The following SBK1 variants were observed in gnomAD, a reference collection of about 807,000 sequenced individuals.
SBK1 encodes serine/threonine-protein kinase SBK1.
In SBK1, 11 loss-of-function variants were observed where a neutral mutation model predicts 24.4. That is an observed-to-expected ratio of 0.45 (90% CI 0.28 to 0.75). The LOEUF is 0.75. Ranked by LOEUF, SBK1 falls within the 30% of genes least tolerant of loss-of-function variation. The probability of loss-of-function intolerance (pLI) is 0.12; values close to 1 mark genes in which losing one functional copy is unlikely to be tolerated. For missense variants in SBK1, 467 were observed against 620.5 expected (o/e 0.75, Z 2.63); for synonymous variants, 308 against 284.4 (o/e 1.08, Z -0.83).
chr16:28,322,165 T>C lies in SBK1; in HGVS notation c.*1244T>C, dbSNP rs2044854983. The C allele has an allele frequency of 6.6e-6, 1 of 152,546 alleles. No individual in the cohort carries two copies. 9.4% of individuals were successfully genotyped at this position (152,546 alleles called of 1,614,324 possible). A position where few individuals can be genotyped will look rare whatever the true frequency, so the allele number is the denominator to read the frequency against. ...CATGGGTGCCATCCTTTGCGTTCAG[T>C]GACTGTGCGTCCAGACCCCTCACCA... On this transcript the variant is annotated 3_prime_UTR_variant, in exon 4 of 4. Transcript: ENST00000341901.
Position 28,317,578 on chromosome 16 carries a change from ACC to A in SBK1, c.188_189del (p.Thr63IlefsTer5). 6.2e-7 allele frequency: 1 copy of A among 1,614,106 alleles called. No homozygotes were observed. ...YELVRELGKG[T>X]YGKVDLVVYK... Reference sequence around the variant, plus strand: ...ACTAGTCCGGGAGCTGGGCAAAGGCACCTATGGGAAGGTTGACCTGGTGGTCT... The same window carrying A: ...ACTAGTCCGGGAGCTGGGCAAAGGCATATGGGAAGGTTGACCTGGTGGTCT... On this transcript the variant is annotated frameshift_variant, in exon 2 of 4. Coordinates refer to ENST00000341901, the MANE Select transcript of SBK1 (RefSeq NM_001024401.3). LOFTEE classifies it high-confidence loss of function. The surrounding 1 kb of genome is among the most constrained non-coding windows in gnomAD (Gnocchi z 4.2).
intron 1 of SBK1, among the ~76,000 whole-genome samples, chr16:28,274,301 G>A (rs2044483833): frequency 6.6e-6 from 1 of 152,172 alleles, no homozygotes. Flanking sequence ...GGAGAAATTT[G>A]TTGGGAGGAG....
At chr16:28,297,337 A>G (rs1184200151) in intron 1 of SBK1, among the ~76,000 whole-genome samples, 1 of 152,206 alleles carries the variant, frequency 6.6e-6, no homozygotes, top group African/African-American at 2.4e-5. Context: ...TCTCAAAAAA[A>G]AAGAAACAAA....
intron 1 of SBK1, among the ~76,000 whole-genome samples, chr16:28,268,456 A>G (rs896501954): frequency 4.7e-5 from 7 of 147,660 alleles, no homozygotes; most frequent in African/African-American, 1.8e-4. Context: ...GGGTCTCACT[A>G]TGTTGCCCAG....
intron 1 of SBK1, among the ~76,000 whole-genome samples, chr16:28,275,966 G>A (rs1050387373): frequency 1.3e-5 from 2 of 152,160 alleles, no homozygotes; most frequent in African/African-American, 4.8e-5. Flanking sequence ...TGAGGAGGAC[G>A]GAGTGGGGAA....
chr16:28,280,149 A>ATATGTGTGTGTGTGTGTGTGTGTGTG (rs1230385223), intron 1 of SBK1, among the ~76,000 whole-genome samples: 41 of 39,368 alleles, frequency 1.0e-3, no homozygotes, highest in Non-Finnish European at 1.7e-3. Context: ...ATATATATAT[A>ATATGTGTGTGTGTGTGTGTGTGTGTG]TGTGTGTGTG....
At chr16:28,314,718 G>A (rs929346291) in intron 1 of SBK1, among the ~76,000 whole-genome samples, 5 of 152,106 alleles carry the variant, frequency 3.3e-5, no homozygotes, top group African/African-American at 4.8e-5. Context: ...GGTGGCTCAC[G>A]CCTGTAATCC....
At chr16:28,270,591 A>C (rs1022517330) in intron 1 of SBK1, among the ~76,000 whole-genome samples, 11 of 151,450 alleles carry the variant, frequency 7.3e-5, no homozygotes, top group Non-Finnish European at 1.5e-4. Context: ...CACCCGGCCA[A>C]TTTTTTAATT....
rs944345810 is a variant in SBK1 at position 28,259,839 on chromosome 16, C to A, written c.257+337C>A. On this transcript the variant is annotated intron_variant, in intron 1 of 3. Transcript: ENST00000671413. The surrounding 1 kb of genome is among the most constrained non-coding windows in gnomAD (Gnocchi z 6.0). ...AAGGCCTGCGTGATTGGGGCCGACA[C>A]TCCCCACCTCATCTCACTCTGTTCC... 1.3e-5 allele frequency among the ~76,000 whole-genome samples: 2 copies of A among 152,078 alleles called. No individual in the cohort carries two copies. The highest frequency in any genetic ancestry group is 4.8e-5 in the African/African-American group (2 of 41,402).
At chr16:28,316,422 T>G (rs1027175192) in intron 1 of SBK1, among the ~76,000 whole-genome samples, 1 of 152,196 alleles carries the variant, frequency 6.6e-6, no homozygotes, top group South Asian at 2.1e-4. Flanking sequence ...TTCCATGCTG[T>G]GTCCTCCAGG....
chr16:28,294,251 C>T (rs1052458774), intron 1 of SBK1, among the ~76,000 whole-genome samples: 1 of 152,140 alleles, frequency 6.6e-6, no homozygotes. Flanking sequence ...GGACATTGTA[C>T]CCTGAAATCC....
chr16:28,316,600 A>C (rs754972056), intron 1 of SBK1, among the ~76,000 whole-genome samples: 5 of 151,672 alleles, frequency 3.3e-5, no homozygotes, highest in African/African-American at 4.8e-5. Flanking sequence ...TGCCAACTCT[A>C]CAAAAAAAAA....
At chr16:28,314,636 A>C (rs955764409) in intron 1 of SBK1, among the ~76,000 whole-genome samples, 9 of 152,144 alleles carry the variant, frequency 5.9e-5, no homozygotes, top group African/African-American at 2.2e-4. Flanking sequence ...TTCAGGGTGC[A>C]GGGGTGCTTA....
chr16:28,320,064 G>T lies in SBK1; in HGVS notation c.430-12G>T. The T allele has an allele frequency of 6.8e-7, 1 of 1,472,240 alleles. No individual in the cohort carries two copies. The highest frequency in any genetic ancestry group is 2.5e-5 in the East Asian group (1 of 40,460). 91.2% of individuals were successfully genotyped at this position (1,472,240 alleles called of 1,614,324 possible). A position where few individuals can be genotyped will look rare whatever the true frequency, so the allele number is the denominator to read the frequency against. On this transcript the variant is annotated splice_polypyrimidine_tract_variant and intron_variant, in intron 3 of 3. Transcript: ENST00000341901. This position sits in a 1 kb window ranked among gnomAD's most constrained non-coding sequence, Gnocchi z 8.5. ...AGCTGGAAACAGCGCGGCTTCCCCC[G>T]GCCGCCCGCAGGTGGGGCTCCCTGA...
Position 28,320,654 on chromosome 16 carries a change from C to G in SBK1, c.1008C>G (p.Arg336=). 1.8e-6 allele frequency: 2 copies of G among 1,115,728 alleles called. No individual in the cohort carries two copies. Among genetic ancestry groups the G allele is most frequent in the Non-Finnish European group, 1.1e-6 (1 of 913,780 alleles). 69.1% of individuals were successfully genotyped at this position (1,115,728 alleles called of 1,614,324 possible). The change falls in exon 4 of 4, where the codon CGC becomes CGG. Residue 336 remains arginine, a synonymous_variant. Transcript: ENST00000341901. The surrounding 1 kb of genome is among the most constrained non-coding windows in gnomAD (Gnocchi z 8.5). ...SHRARKPPGD[R]PPAAGPLRLE... ...GCGCGCGCAAGCCCCCCGGGGACCG[C>G]CCGCCCGCCGCCGGGCCACTGCGCC...
chr16:28,273,971 ACTAT>A (rs1295918058), intron 1 of SBK1, among the ~76,000 whole-genome samples: 2 of 152,360 alleles, frequency 1.3e-5, no homozygotes, highest in African/African-American at 4.8e-5. Context: ...TCTGAAAAGT[ACTAT>A]CTGACTCCAG....
At chr16:28,298,027 C>T (rs1209409342) in intron 1 of SBK1, among the ~76,000 whole-genome samples, 2 of 152,180 alleles carry the variant, frequency 1.3e-5, no homozygotes, top group Non-Finnish European at 2.9e-5. Context: ...GCGCCTGCTG[C>T]CTTCTGCTGG....
chr16:28,289,456 G>A (rs1035612298), upstream of SBK1, among the ~76,000 whole-genome samples: 1 of 152,184 alleles, frequency 6.6e-6, no homozygotes, highest in East Asian at 1.9e-4. Flanking sequence ...AGTAGACAAA[G>A]GCGTGGAGGT....
chr16:28,274,007 C>A (rs538579294), intron 1 of SBK1, among the ~76,000 whole-genome samples: 23 of 152,220 alleles, frequency 1.5e-4, no homozygotes, highest in African/African-American at 4.3e-4. Flanking sequence ...TCTGGAAAAA[C>A]CAAAACTAAA....
Sources: gnomAD v4.1 joint callset for allele counts (sites outside exome capture counted in the v4.1 genomes callset) on GRCh38, gnomAD v4.1.1 for gene constraint, Gnocchi (gnomAD v3.1) non-coding constraint, MANE v1.5 for transcripts, NCBI Gene and HGNC (gene_info 2026-07-23, HGNC 2026-07-21) for gene names.